Variants in SPINK6 observed in about 807,000 individuals in gnomAD.
SPINK6 encodes the protein serine peptidase inhibitor Kazal type 6.
Under a neutral mutation model 11.7 loss-of-function variants are expected in SPINK6, and 13 were observed. The ratio of observed to expected loss-of-function variants is 1.11; its 90% confidence interval spans 0.72 to 1.76. The LOEUF (loss-of-function observed/expected upper bound fraction) is 1.76. Among genes scored for constraint, SPINK6 ranks in the 40% most tolerant of loss-of-function variants. SPINK6 has a pLI of 0.00. For synonymous variants in SPINK6, 21 were observed against 31.9 expected (o/e 0.66, Z 1.15); for missense variants, 98 against 93.7 (o/e 1.05, Z -0.19).
chr5:148,202,931 T>C (rs542372280), upstream of SPINK6: 62 of 470,674 alleles, frequency 1.3e-4, no homozygotes, highest in South Asian at 3.1e-3. Flanking sequence ...TTAAGATTGA[T>C]GGGGAGCATG....
chr5:148,205,276 T>C (rs1755482937), intron 1 of SPINK6, among the ~76,000 whole-genome samples: 2 of 152,140 alleles, frequency 1.3e-5, no homozygotes. Flanking sequence ...AGGAGTCCCA[T>C]AGGAATGGCC....
At chr5:148,211,415 G>C (rs1371305746) in intron 2 of SPINK6, among the ~76,000 whole-genome samples, 1 of 152,086 alleles carries the variant, frequency 6.6e-6, no homozygotes, top group Non-Finnish European at 1.5e-5. Flanking sequence ...AGATCTTTTA[G>C]AGCTACTGTA....
Position 148,214,924 on chromosome 5 carries a change from A to G in SPINK6, c.217A>G (p.Ser73Gly). ...KAIVKSGGKI[S>G]LKHPGKC Reference sequence around the variant, plus strand: ...TTGTAGGAAAAGTGGTGGAAAGATTAGCCTAAAGCATCCTGGAAAATGCTG... The same window carrying G: ...TTGTAGGAAAAGTGGTGGAAAGATTGGCCTAAAGCATCCTGGAAAATGCTG... Residue 73 changes from serine to glycine, a missense_variant, in exon 4 of 4, where the codon AGC (serine) becomes GGC (glycine). Transcript: ENST00000325630. 3.1e-6 allele frequency: 5 copies of G among 1,613,760 alleles called. No individual in the cohort carries two copies. The highest frequency in any genetic ancestry group is 4.2e-6 in the Non-Finnish European group (5 of 1,179,770).
chr5:148,212,883 A>C (rs2113318216), intron 2 of SPINK6, among the ~76,000 whole-genome samples: 1 of 143,554 alleles, frequency 7.0e-6, no homozygotes, highest in South Asian at 2.1e-4. Context: ...ATAAGTAGAT[A>C]TATTTAGTAT....
intron 2 of SPINK6, among the ~76,000 whole-genome samples, chr5:148,211,009 A>G (rs1424357775): frequency 6.6e-6 from 1 of 152,138 alleles, no homozygotes; most frequent in Non-Finnish European, 1.5e-5. Flanking sequence ...TGTGATTGCA[A>G]ATTTTCATTG....
intron 2 of SPINK6, among the ~76,000 whole-genome samples, chr5:148,213,497 C>T (rs1032325818): frequency 6.6e-6 from 1 of 152,174 alleles, no homozygotes; most frequent in African/African-American, 2.4e-5. Flanking sequence ...CCGCGCCCAG[C>T]CCATCCATGT....
At chr5:148,208,826 C>T (rs756371582) in intron 2 of SPINK6, among the ~76,000 whole-genome samples, 2 of 152,116 alleles carry the variant, frequency 1.3e-5, no homozygotes, top group Non-Finnish European at 2.9e-5. Flanking sequence ...TAAAGATAGT[C>T]CTTTGACTGA....
At chr5:148,210,109 T>C (rs573164340) in intron 2 of SPINK6, among the ~76,000 whole-genome samples, 3 of 147,918 alleles carry the variant, frequency 2.0e-5, no homozygotes, top group Non-Finnish European at 3.0e-5. Flanking sequence ...TGTATGCACA[T>C]ATGTATGTAT....
upstream of SPINK6, chr5:148,202,969 C>T: frequency 1.7e-6 from 1 of 575,202 alleles, no homozygotes. Flanking sequence ...GTTGGCAGGC[C>T]CCATTAAATG....
intron 3 of SPINK6, 101 bp from the exon 4 acceptor site, chr5:148,214,804 A>C: frequency 1.1e-6 from 1 of 883,708 alleles, no homozygotes; most frequent in Non-Finnish European, 1.8e-6. Flanking sequence ...TATAGAATCA[A>C]ATAATTAAAT....
At chr5:148,214,685 A>T (rs1285658619) in intron 3 of SPINK6, among the ~76,000 whole-genome samples, 1 of 152,184 alleles carries the variant, frequency 6.6e-6, no homozygotes, top group Non-Finnish European at 1.5e-5. Context: ...AAAGTCTAAG[A>T]CTTATGATAA....
At position 148,210,122 on chromosome 5, in the gene SPINK6, T is replaced by A. The variant is rs1192708677; in HGVS notation, c.82-3788T>A. On this transcript the variant is annotated intron_variant, in intron 2 of 3. Transcript: ENST00000325630. ...TATGTATGCACATATGTATGTATGT[T>A]TACATTTATTTCTGCATACATATGT... 4.7e-5 allele frequency among the ~76,000 whole-genome samples: 7 copies of A among 150,086 alleles called. No homozygotes were observed. In the East Asian group the frequency reaches 1.0e-3, roughly 22 times the overall value.
chr5:148,211,736 G>A (rs1271656521), intron 2 of SPINK6, among the ~76,000 whole-genome samples: 1 of 152,142 alleles, frequency 6.6e-6, no homozygotes, highest in Non-Finnish European at 1.5e-5. Flanking sequence ...ATATTTATCT[G>A]TTCTATGGAA....
intron 2 of SPINK6, among the ~76,000 whole-genome samples, chr5:148,210,055 T>TACGC: frequency 6.6e-6 from 1 of 150,490 alleles, no homozygotes; most frequent in Admixed American, 6.6e-5. Flanking sequence ...TGCATATATG[T>TACGC]ATGTATATGT....
intron 2 of SPINK6, among the ~76,000 whole-genome samples, chr5:148,209,923 TATGA>T (rs1305867645): frequency 1.1e-4 from 3 of 27,912 alleles, no homozygotes; most frequent in Non-Finnish European, 3.3e-4. Context: ...ATGTCTTAAG[TATGA>T]ATGAAATTGA....
Position 148,203,047 on chromosome 5 carries a change from G to T in SPINK6, c.-50G>T. On this transcript the variant is annotated 5_prime_UTR_variant, in exon 1 of 4. Coordinates refer to ENST00000325630, the MANE Select transcript of SPINK6 (RefSeq NM_205841.4). ...GCTTTCTGGGAATTGTCTTGACAGA[G>T]AACCTCAGCTGGACAAAGCAGCCTT... 1.3e-6 allele frequency: 2 copies of T among 1,508,184 alleles called. No individual in the cohort carries two copies. The highest frequency in any genetic ancestry group is 1.8e-6 in the Non-Finnish European group (2 of 1,108,160). The allele number at this position is 1,508,184 out of a possible 1,614,324, so 93.4% of individuals were successfully genotyped here.
rs1554112238 is a variant in SPINK6, at chr5:148,209,979, T to TACATACATACGTAC, written c.81+3921_81+3922insACATACATACGTAC. On this transcript the variant is annotated intron_variant, in intron 2 of 3. Transcript: ENST00000325630. ...ATATGTATACATACATACGTACGTA[T>TACATACATACGTAC]GTATGTATACATATACACGTATGTA... 0.017 allele frequency among the ~76,000 whole-genome samples: 2,502 copies of TACATACATACGTAC among 145,584 alleles called. 219 individuals are homozygous for TACATACATACGTAC. In the East Asian group the frequency reaches 0.19, roughly 11 times the overall value.
At position 148,212,522 on chromosome 5, in the gene SPINK6, A is replaced by T. The variant is rs1755613588; in HGVS notation, c.82-1388A>T. 1.5e-4 allele frequency among the ~76,000 whole-genome samples: 19 copies of T among 126,348 alleles called. No homozygotes were observed. The East Asian group carries it at 3.7e-3, about 25-fold the overall frequency. 82.9% of individuals were successfully genotyped at this position (126,348 alleles called of 152,430 possible). A position where few individuals can be genotyped will look rare whatever the true frequency, so the allele number is the denominator to read the frequency against. The stretch of plus-strand genomic sequence containing the variant: ...TAAAGTATATATTTTATATATATAA[A>T]GTATATATTTTATATAAGTATATAT... On this transcript the variant is annotated intron_variant, in intron 2 of 3. Transcript: ENST00000325630.
At chr5:148,205,307 C>G (rs139255905) in intron 1 of SPINK6, among the ~76,000 whole-genome samples, 1 of 152,188 alleles carries the variant, frequency 6.6e-6, no homozygotes, top group East Asian at 1.9e-4. Context: ...ACTCAGCAGC[C>G]CATTCCAAGA....
Sources: allele counts gnomAD v4.1 joint callset (sites outside exome capture counted in the v4.1 genomes callset), GRCh38; gene constraint gnomAD v4.1.1; transcripts MANE v1.5; gene names NCBI Gene and HGNC (gene_info 2026-07-23, HGNC 2026-07-21).